The following SLC44A3 variants were observed in gnomAD, a reference collection of about 807,000 sequenced individuals.
The protein encoded by SLC44A3 is solute carrier family 44 member 3.
A neutral mutation model predicts 75.4 loss-of-function variants in SLC44A3; 74 were observed. The ratio of observed to expected loss-of-function variants is 0.98; its 90% CI spans 0.81 to 1.19. SLC44A3 has a LOEUF of 1.19. SLC44A3 is among the 50% of genes most tolerant of loss of function. The pLI is 0.00. For missense variants in SLC44A3, 700 were observed against 778.6 expected, an observed-to-expected ratio of 0.90 and a Z score of 1.20; for synonymous variants, 310 against 296.9, an observed-to-expected ratio of 1.04 and a Z score of -0.45.
In SLC44A3 at chr1:94,820,425, T is replaced by C. The variant is rs1660382123; in HGVS notation, c.-27T>C. 2.1e-6 allele frequency: 3 copies of C among 1,451,522 alleles called. No homozygotes were observed. The South Asian group carries it at 4.0e-5, about 19-fold the overall frequency. 89.9% of individuals were successfully genotyped at this position (1,451,522 alleles called of 1,614,324 possible). A position where few individuals can be genotyped will look rare whatever the true frequency, so the allele number is the denominator to read the frequency against. Reference sequence around the variant, plus strand: ...TACAGGAGGCGGCGGCGGCTCCCAGTCACCGGCCCCCGCCGGCGAGCGCAC... The same window carrying C: ...TACAGGAGGCGGCGGCGGCTCCCAGCCACCGGCCCCCGCCGGCGAGCGCAC... On this transcript the variant is annotated 5_prime_UTR_variant, in exon 1 of 15. Coordinates refer to ENST00000271227, the MANE Select transcript of SLC44A3 (RefSeq NM_001114106.3).
At chr1:94,824,432 G>C (rs1248615014) in intron 2 of SLC44A3, 61 bp from the exon 3 acceptor site, 6 of 1,518,102 alleles carry the variant, frequency 4.0e-6, no homozygotes, top group East Asian at 2.3e-5. Context: ...ATCTGCAGGG[G>C]TGTGGGGCAC....
chr1:94,876,037 C>A (rs1217154603), intron 12 of SLC44A3, among the ~76,000 whole-genome samples: 1 of 152,182 alleles, frequency 6.6e-6, no homozygotes, highest in East Asian at 1.9e-4. Context: ...GGGGATCTGG[C>A]AGCTGAAACT....
Position 94,864,884 on chromosome 1 carries a change from C to T in SLC44A3, c.1380C>T (p.Asn460=), listed in dbSNP as rs142406496. 5,918 of 1,613,614 alleles carry T rather than the reference C, an allele frequency of 3.7e-3. 13 individuals carry two copies. The highest frequency in any genetic ancestry group is 4.6e-3 in the Non-Finnish European group (5,409 of 1,179,780). ...GAATCATTGTCATGTACATGCAAAACGCACTGAAAGAACAGGTAAGGCTAC... is the reference window on the plus strand; with the variant it reads ...GAATCATTGTCATGTACATGCAAAATGCACTGAAAGAACAGGTAAGGCTAC... ...IPRIIVMYMQ[N]ALKEQQHGAL... The change falls in exon 11 of 15, where the codon AAC becomes AAT. Residue 460 remains asparagine (N), a synonymous_variant. Transcript: ENST00000271227.
chr1:94,827,713 T>C, intron 4 of SLC44A3, 70 bp downstream of exon 4: 1 of 1,543,160 alleles, frequency 6.5e-7, no homozygotes, highest in Non-Finnish European at 8.8e-7. Context: ...GATGAGATCA[T>C]TTACCCTGAC....
rs564408541 is a variant in SLC44A3, at chr1:94,831,694, A to G, written c.509+3108A>G. On this transcript the variant is annotated intron_variant, in intron 5 of 14. Transcript: ENST00000271227. The stretch of plus-strand genomic sequence containing the variant: ...GGATATTTTCCCCCCAGTAAATTCT[A>G]GTTCTACTCTCCCACATAGGTGCCT... 4.6e-5 allele frequency among the ~76,000 whole-genome samples: 7 copies of G among 152,356 alleles called. No individual in the cohort carries two copies. The East Asian group carries it at 1.3e-3, about 29-fold the overall frequency.
At chr1:94,894,782 C>CATA (rs745902730) in intron 14 of SLC44A3, 36 bp from the exon 15 acceptor site, 121 of 1,554,010 alleles carry the variant, frequency 7.8e-5, no homozygotes, top group Non-Finnish European at 1.0e-4. Context: ...AGTACAGACA[C>CATA]ATAATACTAT....
intron 9 of SLC44A3, among the ~76,000 whole-genome samples, chr1:94,847,608 G>A (rs76645513): frequency 0.05 from 7,676 of 152,250 alleles, 593 homozygotes; most frequent in East Asian, 0.15. Context: ...AGCTTGAAGT[G>A]GGCTCAGCCC....
chr1:94,847,709 T>C (rs1019605993), intron 9 of SLC44A3, among the ~76,000 whole-genome samples: 1 of 152,210 alleles, frequency 6.6e-6, no homozygotes, highest in African/African-American at 2.4e-5. Context: ...TACTGGATGC[T>C]TTCTTATGTT....
At chr1:94,889,199 G>A (rs1346267993) in intron 12 of SLC44A3, 2 of 152,048 alleles carry the variant, frequency 1.3e-5, no homozygotes, top group African/African-American at 4.8e-5. Flanking sequence ...ACTCTATTAG[G>A]ACCCGCACTG....
chr1:94,877,437 G>A (rs1462704999), intron 12 of SLC44A3, among the ~76,000 whole-genome samples: 1 of 152,116 alleles, frequency 6.6e-6, no homozygotes, highest in Non-Finnish European at 1.5e-5. Flanking sequence ...TGAGCACAGA[G>A]CCCGAGTCCT....
chr1:94,862,025 T>C (rs1332979665), intron 10 of SLC44A3, among the ~76,000 whole-genome samples: 1 of 152,222 alleles, frequency 6.6e-6, no homozygotes, highest in African/African-American at 2.4e-5. Context: ...CTAAGGAATT[T>C]AGGTAGAGAT....
intron 12 of SLC44A3, among the ~76,000 whole-genome samples, chr1:94,882,021 AAAAAAAAC>A (rs1306365644): frequency 2.0e-5 from 3 of 152,008 alleles, no homozygotes; most frequent in Non-Finnish European, 4.4e-5. Context: ...CTCCATCTAA[AAAAAAAAC>A]AAAAAAACAA....
chr1:94,840,378 C>T (rs1663453735), intron 7 of SLC44A3, among the ~76,000 whole-genome samples: 1 of 147,088 alleles, frequency 6.8e-6, no homozygotes, highest in Non-Finnish European at 1.5e-5. Context: ...TAGCCTCAAC[C>T]TCCTGGGCTC....
chr1:94,844,601 T>C (rs1664151639), intron 8 of SLC44A3, among the ~76,000 whole-genome samples: 1 of 152,202 alleles, frequency 6.6e-6, no homozygotes, highest in African/African-American at 2.4e-5. Flanking sequence ...CCTGGAATGT[T>C]TCCATGGCAT....
At chr1:94,887,001 G>A (rs1669661445) in intron 12 of SLC44A3, among the ~76,000 whole-genome samples, 2 of 151,924 alleles carry the variant, frequency 1.3e-5, no homozygotes, top group Non-Finnish European at 2.9e-5. Context: ...ATCAAAAGCC[G>A]AATGCCACTA....
chr1:94,840,836 C>A (rs1439401159), intron 7 of SLC44A3, among the ~76,000 whole-genome samples: 2 of 152,248 alleles, frequency 1.3e-5, no homozygotes, highest in East Asian at 3.9e-4. Context: ...GTACTGTGCC[C>A]ATATTTCCCT....
intron 1 of SLC44A3, chr1:94,820,733 T>C (rs897114853): frequency 3.4e-5 from 48 of 1,394,296 alleles, no homozygotes; most frequent in Non-Finnish European, 4.2e-5. Context: ...GGTAAGCACT[T>C]GGCGGCAGGG....
chr1:94,859,872 G>A (rs1271290006), intron 10 of SLC44A3, among the ~76,000 whole-genome samples: 1 of 151,876 alleles, frequency 6.6e-6, no homozygotes. Context: ...TGCTTTTGTG[G>A]AGAAACTGCC....
chr1:94,881,360 C>T (rs1457287858), intron 12 of SLC44A3, among the ~76,000 whole-genome samples: 1 of 152,186 alleles, frequency 6.6e-6, no homozygotes, highest in African/African-American at 2.4e-5. Context: ...CACCTCTCTC[C>T]CACCATTTCC....
Sources: gnomAD v4.1 joint callset for allele counts (sites outside exome capture counted in the v4.1 genomes callset) on GRCh38, gnomAD v4.1.1 for gene constraint, MANE v1.5 for transcripts, NCBI Gene and HGNC (gene_info 2026-07-23, HGNC 2026-07-21) for gene names.